UNC79: variants seen among roughly 807,000 people sequenced by gnomAD.
UNC79 encodes the protein protein unc-79 homolog.
UNC79 carries 37 observed loss-of-function variants against 283.1 expected under a neutral mutation model. That is an observed-to-expected ratio of 0.13 (90% CI 0.10 to 0.17). The LOEUF (loss-of-function observed/expected upper bound fraction) is 0.17, where lower values mean the gene tolerates loss of function less well. UNC79 is among the 10% of genes least tolerant of loss of function. The pLI, the probability that UNC79 is intolerant of heterozygous loss-of-function variation, is 1.00. For missense variants in UNC79, 2,272 were observed against 3,211.1 expected (o/e 0.71, Z 7.07); for synonymous variants, 1,107 against 1,200.2 (o/e 0.92, Z 1.61).
At chr14:93,538,187 G>A in exon 12 of UNC79, 2 of 1,611,594 alleles carry the variant, frequency 1.2e-6, no homozygotes, top group Non-Finnish European at 1.7e-6. Context: ...CGGCGCTGAG[G>A]AGCTGGTCTG....
chr14:93,401,385 G>A (rs1188816273), intron 1 of UNC79, among the ~76,000 whole-genome samples: 3 of 152,202 alleles, frequency 2.0e-5, no homozygotes, highest in African/African-American at 7.2e-5. Flanking sequence ...TTAACTCACA[G>A]TAATGATAGA....
intron 1 of UNC79, among the ~76,000 whole-genome samples, chr14:93,441,881 G>A (rs1175358419): frequency 6.6e-6 from 1 of 151,836 alleles, no homozygotes; most frequent in African/African-American, 2.4e-5. Context: ...AGTCTTTTTG[G>A]TTGTCTTAAT....
chr14:93,562,242 T>C (rs2062606221), intron 14 of UNC79, among the ~76,000 whole-genome samples: 2 of 152,032 alleles, frequency 1.3e-5, no homozygotes, highest in African/African-American at 4.8e-5. Flanking sequence ...GGTTGTAGAA[T>C]TTGAGGGGTC....
intron 25 of UNC79, 148 bp from the exon 26 acceptor site, chr14:93,603,091 A>G (rs1243522932): frequency 2.3e-6 from 2 of 881,126 alleles, no homozygotes; most frequent in Non-Finnish European, 3.4e-6. Flanking sequence ...TTATTTTTGT[A>G]TGTAGGACTC....
chr14:93,413,113 A>G (rs2055370586), intron 1 of UNC79, among the ~76,000 whole-genome samples: 1 of 151,940 alleles, frequency 6.6e-6, no homozygotes, highest in Non-Finnish European at 1.5e-5. Flanking sequence ...TACATGTGCC[A>G]TGCTGGTGTG....
chr14:93,449,618 T>TA (rs755543140), intron 1 of UNC79, among the ~76,000 whole-genome samples: 293 of 136,484 alleles, frequency 2.1e-3, no homozygotes, highest in Middle Eastern at 3.8e-3. Flanking sequence ...ACCTTGTCTC[T>TA]AAAAAAAAAA....
chr14:93,444,799 T>G (rs1285958762), intron 1 of UNC79, among the ~76,000 whole-genome samples: 1 of 152,184 alleles, frequency 6.6e-6, no homozygotes, highest in Non-Finnish European at 1.5e-5. Context: ...CTATCAGTCT[T>G]CCAACTTTGT....
intron 7 of UNC79, among the ~76,000 whole-genome samples, chr14:93,519,044 T>C (rs74074627): frequency 0.016 from 2,400 of 151,982 alleles, 65 homozygotes; most frequent in African/African-American, 0.055. Flanking sequence ...ATAGGTTAAG[T>C]TGTTTGAGAG....
At chr14:93,630,407 T>C (rs2067930061) in intron 30 of UNC79, among the ~76,000 whole-genome samples, 1 of 152,186 alleles carries the variant, frequency 6.6e-6, no homozygotes, top group Non-Finnish European at 1.5e-5. Context: ...AAATGATAAG[T>C]AGGAAATTGT....
At chr14:93,349,979 G>A (rs948399461) in intron 1 of UNC79, among the ~76,000 whole-genome samples, 4 of 152,118 alleles carry the variant, frequency 2.6e-5, no homozygotes, top group African/African-American at 9.7e-5. Flanking sequence ...ATGCTTCCAG[G>A]TAAACTTTTT....
At chr14:93,597,820 C>T (rs1207352077) in intron 24 of UNC79, among the ~76,000 whole-genome samples, 2 of 152,092 alleles carry the variant, frequency 1.3e-5, no homozygotes, top group African/African-American at 2.4e-5. Context: ...CTCTCAAAGC[C>T]CCACCTCCTA....
chr14:93,571,962 C>G (rs746758479), exon 15 of UNC79: 1 of 1,614,218 alleles, frequency 6.2e-7, no homozygotes, highest in South Asian at 1.1e-5. Context: ...ACCGAATCCT[C>G]TGCCTGATCC....
At chr14:93,648,505 T>G (rs2069881248) in intron 35 of UNC79, among the ~76,000 whole-genome samples, 1 of 152,032 alleles carries the variant, frequency 6.6e-6, no homozygotes, top group Non-Finnish European at 1.5e-5. Context: ...TGCTGATAGA[T>G]TGGATGTTGG....
chr14:93,481,017 G>C (rs767544690), intron 4 of UNC79, among the ~76,000 whole-genome samples: 2 of 152,092 alleles, frequency 1.3e-5, no homozygotes, highest in Non-Finnish European at 2.9e-5. Context: ...CTTTGAAGTG[G>C]ACCTAATGAG....
At chr14:93,580,040 T>C (rs2063698519) in intron 18 of UNC79, 109 bp from the exon 19 acceptor site, 2 of 942,526 alleles carry the variant, frequency 2.1e-6, no homozygotes, top group Non-Finnish European at 3.2e-6. Flanking sequence ...TTAGTGAAAA[T>C]CATCCCCAAG....
In UNC79 at chr14:93,675,447, G is replaced by T. The variant is rs542080340; in HGVS notation, c.6741+1992G>T. Among the ~76,000 whole-genome samples the T allele has an allele frequency of 4.0e-5, 6 of 151,368 alleles. No individual in the cohort carries two copies. The East Asian group carries it at 1.2e-3, about 29-fold the overall frequency. On this transcript the variant is annotated intron_variant, in intron 41 of 48. Coordinates refer to ENST00000555664, the Ensembl canonical transcript of UNC79. ...AGTTTACAATTTAGCAATTGAAGTT[G>T]ACATGTAAGTTAAAAAAAAAAATTC...
chr14:93,676,444 G>A (rs1380735619), intron 41 of UNC79, among the ~76,000 whole-genome samples: 1 of 152,226 alleles, frequency 6.6e-6, no homozygotes, highest in Non-Finnish European at 1.5e-5. Context: ...AATATCCCGG[G>A]AGGGATTTAA....
chr14:93,527,506 A>G (rs1308144013), intron 8 of UNC79, among the ~76,000 whole-genome samples: 1 of 152,198 alleles, frequency 6.6e-6, no homozygotes. Flanking sequence ...GTCATCGGGG[A>G]ATATATAGTT....
chr14:93,524,567 T>A (rs2060463556), intron 8 of UNC79, among the ~76,000 whole-genome samples: 1 of 152,160 alleles, frequency 6.6e-6, no homozygotes, highest in African/African-American at 2.4e-5. Context: ...AGTCAAGTCA[T>A]TTTCCTAAGG....
Sources: gnomAD v4.1 joint callset for allele counts (sites outside exome capture counted in the v4.1 genomes callset) on GRCh38, gnomAD v4.1.1 for gene constraint, MANE v1.5 for transcripts, NCBI Gene and HGNC (gene_info 2026-07-23, HGNC 2026-07-21) for gene names.